SOX6: variants seen among roughly 807,000 people sequenced by gnomAD.
SOX6 encodes SRY-box transcription factor 6.
Under a neutral mutation model 97.8 loss-of-function variants are expected in SOX6, and 11 were observed. That is an observed-to-expected ratio of 0.11 (90% CI 0.07 to 0.19). SOX6 has a LOEUF of 0.19. SOX6 is among the 10% of genes least tolerant of loss of function. The pLI, the probability that SOX6 is intolerant of heterozygous loss-of-function variation, is 1.00. For synonymous variants in SOX6, 360 were observed against 371.4 expected, an observed-to-expected ratio of 0.97 and a Z score of 0.35; for missense variants, 810 against 1,039.5, an observed-to-expected ratio of 0.78 and a Z score of 3.04.
chr11:16,675,458 T>C (rs1443278864), intron 3 of SOX6, among the ~76,000 whole-genome samples: 3 of 152,238 alleles, frequency 2.0e-5, no homozygotes. Flanking sequence ...GCCATAGATA[T>C]ACAATTATTG....
chr11:16,079,553 T>A (rs1848429157), intron 9 of SOX6, among the ~76,000 whole-genome samples: 1 of 152,176 alleles, frequency 6.6e-6, no homozygotes, highest in Non-Finnish European at 1.5e-5. Context: ...TTATTAAATA[T>A]AAATTTCATG....
chr11:16,495,219 G>A (rs1320789741), intron 4 of SOX6, among the ~76,000 whole-genome samples: 1 of 152,100 alleles, frequency 6.6e-6, no homozygotes, highest in Non-Finnish European at 1.5e-5. Flanking sequence ...CAAAGCACAT[G>A]CTCCCTAGCC....
At chr11:16,319,407 A>C (rs2134303572) in intron 2 of SOX6, among the ~76,000 whole-genome samples, 1 of 152,228 alleles carries the variant, frequency 6.6e-6, no homozygotes, top group East Asian at 1.9e-4. Flanking sequence ...GTACATGTGC[A>C]CAACGTGCAG....
At chr11:16,061,108 A>T (rs1847938764) in intron 9 of SOX6, among the ~76,000 whole-genome samples, 1 of 151,782 alleles carries the variant, frequency 6.6e-6, no homozygotes, top group African/African-American at 2.4e-5. Context: ...TTAAAAAATA[A>T]AAGGCAAAAA....
At chr11:16,318,346 G>T in intron 3 of SOX6, 100 bp downstream of exon 3, 2 of 1,257,676 alleles carry the variant, frequency 1.6e-6, no homozygotes, top group Non-Finnish European at 2.3e-6. Context: ...TGACAATTAT[G>T]CACTTCTCTG....
chr11:16,406,519 T>C (rs1858690092), intron 1 of SOX6, among the ~76,000 whole-genome samples: 2 of 152,132 alleles, frequency 1.3e-5, no homozygotes, highest in Admixed American at 6.6e-5. Context: ...TAGTCCAGGA[T>C]TGTTCTTCTA....
chr11:16,339,375 G>A (rs1029526331), intron 2 of SOX6, among the ~76,000 whole-genome samples: 3 of 151,840 alleles, frequency 2.0e-5, no homozygotes, highest in Admixed American at 6.6e-5. Context: ...CTCCAGCGAC[G>A]AAGGCCATCT....
chr11:16,482,093 G>A (rs1860354093), intron 4 of SOX6, among the ~76,000 whole-genome samples: 1 of 151,142 alleles, frequency 6.6e-6, no homozygotes, highest in South Asian at 2.2e-4. Context: ...GGAAGTATGT[G>A]AAAAGTATCC....
intron 4 of SOX6, among the ~76,000 whole-genome samples, chr11:16,212,528 C>A (rs911860475): frequency 1.3e-5 from 2 of 151,920 alleles, no homozygotes; most frequent in African/African-American, 4.8e-5. Context: ...TTTATTTTGA[C>A]TGCTATTATA....
intron 9 of SOX6, among the ~76,000 whole-genome samples, chr11:16,083,653 T>C (rs1362928220): frequency 6.6e-6 from 1 of 152,152 alleles, no homozygotes; most frequent in African/African-American, 2.4e-5. Flanking sequence ...ATTCTATACA[T>C]CTAAACCAGG....
At chr11:16,327,882 T>C (rs904502114) in intron 2 of SOX6, among the ~76,000 whole-genome samples, 7 of 152,128 alleles carry the variant, frequency 4.6e-5, no homozygotes, top group Non-Finnish European at 1.0e-4. Context: ...GCTGCAAGAA[T>C]CAACTTCCCT....
intron 6 of SOX6, among the ~76,000 whole-genome samples, chr11:16,132,516 T>A (rs1849845986): frequency 2.6e-5 from 3 of 117,332 alleles, no homozygotes; most frequent in Admixed American, 1.6e-4. Context: ...AAGCTTATCT[T>A]TGTATCTAGG....
Position 16,356,378 on chromosome 11 carries a change from G to C in SOX6, c.-289C>G, listed in dbSNP as rs1009688792. Reference sequence around the variant, plus strand: ...GTTAAAAACATAAAAGTAAATGAAAGAAGTGAAATCTCTTGGCCTGTTGGG... The same window carrying C: ...GTTAAAAACATAAAAGTAAATGAAACAAGTGAAATCTCTTGGCCTGTTGGG... On this transcript the variant is annotated 5_prime_UTR_variant, in exon 1 of 16. Coordinates refer to ENST00000683767, the MANE Select transcript of SOX6 (RefSeq NM_001367873.1). Among the ~76,000 whole-genome samples the C allele has an allele frequency of 6.6e-6, 1 of 152,086 alleles. No homozygotes were observed. The highest frequency in any genetic ancestry group is 2.4e-5 in the African/African-American group (1 of 41,450).
At chr11:16,558,116 C>T (rs1847769000) in intron 4 of SOX6, among the ~76,000 whole-genome samples, 1 of 151,920 alleles carries the variant, frequency 6.6e-6, no homozygotes, top group African/African-American at 2.4e-5. Flanking sequence ...TAAATGGTCT[C>T]TGAAACTAAA....
At chr11:16,700,926 G>A (rs1290407271) in intron 3 of SOX6, among the ~76,000 whole-genome samples, 1 of 152,032 alleles carries the variant, frequency 6.6e-6, no homozygotes, top group East Asian at 1.9e-4. Context: ...AGGGCCATAA[G>A]GTATGTGGTA....
intron 4 of SOX6, among the ~76,000 whole-genome samples, chr11:16,234,320 C>G (rs1257846863): frequency 2.0e-5 from 3 of 152,006 alleles, no homozygotes; most frequent in African/African-American, 7.2e-5. Context: ...GGTTTTTATA[C>G]TTTTTTGTGA....
chr11:16,534,405 T>C (rs1011054335), intron 4 of SOX6, among the ~76,000 whole-genome samples: 4 of 152,120 alleles, frequency 2.6e-5, no homozygotes, highest in Admixed American at 1.3e-4. Context: ...AAGTTGGACT[T>C]AGGTTTCTTC....
intron 4 of SOX6, among the ~76,000 whole-genome samples, chr11:16,509,659 G>A (rs1200091987): frequency 1.3e-5 from 2 of 151,938 alleles, no homozygotes; most frequent in African/African-American, 4.8e-5. Flanking sequence ...TGCCCAGACA[G>A]GTCCACAGAA....
chr11:16,523,070 A>C (rs1861097035), intron 4 of SOX6, among the ~76,000 whole-genome samples: 1 of 152,208 alleles, frequency 6.6e-6, no homozygotes, highest in African/African-American at 2.4e-5. Flanking sequence ...TAGACAGATC[A>C]ACAACACAAA....
Sources: allele counts gnomAD v4.1 joint callset (sites outside exome capture counted in the v4.1 genomes callset), GRCh38; gene constraint gnomAD v4.1.1; transcripts MANE v1.5; gene names NCBI Gene and HGNC (gene_info 2026-07-23, HGNC 2026-07-21).